The following NT5C2 variants were observed in gnomAD, a reference collection of about 807,000 sequenced individuals.
The protein encoded by NT5C2 is cytosolic purine 5'-nucleotidase.
Under a neutral mutation model 76.1 loss-of-function variants are expected in NT5C2, and 58 were observed. The ratio of observed to expected loss-of-function variants is 0.76; its 90% CI spans 0.62 to 0.95. The LOEUF is 0.95. Ranked by LOEUF, NT5C2 falls within the 40% of genes least tolerant of loss-of-function variation. NT5C2 has a pLI of 0.00. For synonymous variants in NT5C2, 229 were observed against 237.4 expected, an observed-to-expected ratio of 0.96 and a Z score of 0.32; for missense variants, 478 against 690.3, an observed-to-expected ratio of 0.69 and a Z score of 3.45.
intron 1 of NT5C2, among the ~76,000 whole-genome samples, chr10:103,191,789 G>A (rs1257906244): frequency 6.6e-6 from 1 of 151,886 alleles, no homozygotes; most frequent in Non-Finnish European, 1.5e-5. Flanking sequence ...TTAATTCTGG[G>A]TCAATGAGAG....
chr10:103,123,297 T>A (rs2135755578), intron 4 of NT5C2, among the ~76,000 whole-genome samples: 1 of 152,222 alleles, frequency 6.6e-6, no homozygotes, highest in South Asian at 2.1e-4. Context: ...TAATATTTTT[T>A]TTTTCCTAAG....
rs138973828 is a variant in NT5C2, at chr10:103,146,360, A to G, written c.102-6881T>C. 1,965 of 985,440 alleles carry G rather than the reference A, an allele frequency of 2.0e-3. 5 individuals are homozygous for G. The highest frequency in any genetic ancestry group is 0.01 in the Admixed American group (169 of 16,290). 61.0% of individuals were successfully genotyped at this position (985,440 alleles called of 1,614,324 possible). ...GTCACAATTTCCTGGCCAAGTGCCC[A>G]ATGACAGTTAGTGCAACAACAAATG... On this transcript the variant is annotated intron_variant, in intron 3 of 18. Coordinates refer to ENST00000404739, the MANE Select transcript of NT5C2 (RefSeq NM_001351169.2).
intron 3 of NT5C2, among the ~76,000 whole-genome samples, chr10:103,171,222 C>G: frequency 6.6e-6 from 1 of 152,090 alleles, no homozygotes; most frequent in African/African-American, 2.4e-5. Flanking sequence ...CTTAAAAAAC[C>G]AACTATTGAT....
At position 103,090,710 on chromosome 10, in the gene NT5C2, A is replaced by C. The variant is rs1443548253; in HGVS notation, c.1350T>G (p.Phe450Leu). The C allele has an allele frequency of 3.7e-6, 6 of 1,614,214 alleles. No individual in the cohort carries two copies. The South Asian group carries it at 4.4e-5, about 12-fold the overall frequency. Reference sequence around the variant, plus strand: ...CAGCATAACGCATCACTTGACTGGCAAAAAGGGTCTGCCGGGAGCCACTGC... The same window carrying C: ...CAGCATAACGCATCACTTGACTGGCCAAAAGGGTCTGCCGGGAGCCACTGC... ...LFRSGSRQTL[F>L]ASQVMRYADL... The change falls in exon 18 of 19, where the codon TTT becomes TTG. Residue 450 changes from phenylalanine (F) to leucine (L), a missense_variant. Physicochemically the swap from Phe to Leu is conservative, Grantham distance 22. Transcript: ENST00000404739.
intron 3 of NT5C2, among the ~76,000 whole-genome samples, chr10:103,172,761 G>C (rs1414580789): frequency 6.6e-6 from 1 of 152,178 alleles, no homozygotes; most frequent in East Asian, 1.9e-4. Flanking sequence ...CTTGAACCCA[G>C]GAGGCAGAGG....
intron 3 of NT5C2, among the ~76,000 whole-genome samples, chr10:103,157,120 T>C (rs575115490): frequency 6.7e-6 from 1 of 149,638 alleles, no homozygotes; most frequent in South Asian, 2.1e-4. Flanking sequence ...TTGTATTATG[T>C]TAAATTATTT....
intron 4 of NT5C2, among the ~76,000 whole-genome samples, chr10:103,136,849 C>T (rs1160280855): frequency 1.3e-5 from 2 of 152,136 alleles, no homozygotes; most frequent in African/African-American, 2.4e-5. Context: ...TGGTCTCGAA[C>T]TCCTGTCAAG....
chr10:103,191,581 G>A (rs544720571), intron 1 of NT5C2, among the ~76,000 whole-genome samples: 1 of 152,218 alleles, frequency 6.6e-6, no homozygotes, highest in East Asian at 1.9e-4. Context: ...GGTACTATAA[G>A]GGAATACTAT....
At chr10:103,127,503 T>C (rs955272802) in intron 4 of NT5C2, among the ~76,000 whole-genome samples, 4 of 152,228 alleles carry the variant, frequency 2.6e-5, no homozygotes, top group Non-Finnish European at 5.9e-5. Context: ...CCCATCAGAA[T>C]GGATTATGTT....
intron 3 of NT5C2, among the ~76,000 whole-genome samples, chr10:103,172,655 G>A (rs1008520918): frequency 1.8e-4 from 27 of 152,172 alleles, no homozygotes; most frequent in African/African-American, 6.5e-4. Context: ...GGCCAACATG[G>A]CGAAACTCCA....
rs765117850 is a variant in NT5C2, at chr10:103,097,364, G to A, written c.698C>T (p.Pro233Leu). 4 of 1,613,286 alleles carry A rather than the reference G, an allele frequency of 2.5e-6. No homozygotes were observed. In the South Asian group the frequency reaches 4.4e-5, roughly 18 times the overall value. ...EKYVVKDGKL[P>L]LLLSRMKEVG... is the part of the protein sequence containing the mutation. ...TTCCTTCATCCGGCTCAGAAGCAAA[G>A]GCAGTTTTCCCTGAAATGTAATTGG... is the stretch of plus-strand genomic sequence containing the variant. Residue 233 changes from proline to leucine, a missense_variant, in exon 11 of 19, where the codon CCT becomes CTT. By Grantham distance (98) the Pro-to-Leu change is moderately conservative. Transcript: ENST00000404739.
At chr10:103,142,449 T>A (rs1455172817) in intron 3 of NT5C2, among the ~76,000 whole-genome samples, 1 of 151,718 alleles carries the variant, frequency 6.6e-6, no homozygotes, top group East Asian at 1.9e-4. Flanking sequence ...GGCAGGCAGA[T>A]CGCTTGAGCA....
In NT5C2 at chr10:103,089,536, C is replaced by T; in HGVS notation, c.*136G>A. The T allele has an allele frequency of 2.9e-6, 4 of 1,402,476 alleles. No homozygotes were observed. Among genetic ancestry groups the T allele is most frequent in the South Asian group, 1.7e-5 (1 of 58,670 alleles). The allele number at this position is 1,402,476 out of a possible 1,614,324, so 86.9% of individuals were successfully genotyped here. On this transcript the variant is annotated 3_prime_UTR_variant, in exon 19 of 19. Coordinates refer to ENST00000404739, the MANE Select transcript of NT5C2 (RefSeq NM_001351169.2). ...AAACAAGTATCTATGATAATAAAAT[C>T]TTCAGAAACTTTTCAGACGTACCTT...
chr10:103,167,200 T>C (rs2086628766), intron 3 of NT5C2, among the ~76,000 whole-genome samples: 1 of 151,856 alleles, frequency 6.6e-6, no homozygotes, highest in Non-Finnish European at 1.5e-5. Context: ...ATTCTTTAAG[T>C]AGAGATGGGG....
Position 103,105,664 on chromosome 10 carries a change from G to A in NT5C2, c.389+42C>T, listed in dbSNP as rs371621035. ...AGATGATGTCATCTTCACATTGTTT[G>A]ACTTTAACATTAGAAAGAGGCTAAA... On this transcript the variant is annotated intron_variant, in intron 6 of 18. Transcript: ENST00000404739. 107 of 1,273,242 alleles carry A rather than the reference G, an allele frequency of 8.4e-5. No homozygotes were observed. The Middle Eastern group carries it at 5.1e-3, about 60-fold the overall frequency. 78.9% of individuals were successfully genotyped at this position (1,273,242 alleles called of 1,614,324 possible).
chr10:103,166,656 T>C (rs973878057), intron 3 of NT5C2, among the ~76,000 whole-genome samples: 15 of 152,304 alleles, frequency 9.8e-5, no homozygotes, highest in South Asian at 4.1e-4. Context: ...TTTTCTTTCT[T>C]TCTTTCTTTT....
At chr10:103,121,105 G>A (rs2075571386) in intron 4 of NT5C2, among the ~76,000 whole-genome samples, 1 of 152,118 alleles carries the variant, frequency 6.6e-6, no homozygotes, top group Non-Finnish European at 1.5e-5. Context: ...TAAATTAGAG[G>A]TTACTAGCAA....
chr10:103,148,385 G>A (rs966456307), intron 3 of NT5C2, among the ~76,000 whole-genome samples: 27 of 152,098 alleles, frequency 1.8e-4, no homozygotes, highest in Middle Eastern at 3.2e-3. Context: ...GGTGGATCAC[G>A]AGGTCAGGAG....
intron 3 of NT5C2, among the ~76,000 whole-genome samples, chr10:103,151,822 T>C (rs2082458332): frequency 6.6e-6 from 1 of 152,194 alleles, no homozygotes; most frequent in South Asian, 2.1e-4. Flanking sequence ...AAAGATAGCA[T>C]AGAGAATAAA....
Sources: allele counts gnomAD v4.1 joint callset (sites outside exome capture counted in the v4.1 genomes callset), GRCh38; gene constraint gnomAD v4.1.1; transcripts MANE v1.5; gene names NCBI Gene and HGNC (gene_info 2026-07-23, HGNC 2026-07-21).